ADAMTS20: variants seen among roughly 807,000 people sequenced by gnomAD.
The protein encoded by ADAMTS20 is A disintegrin and metalloproteinase with thrombospondin motifs 20.
A neutral mutation model predicts 260.1 loss-of-function variants in ADAMTS20; 225 were observed. The ratio of observed to expected loss-of-function variants is 0.87; its 90% confidence interval spans 0.78 to 0.97. The LOEUF (loss-of-function observed/expected upper bound fraction) is 0.97, where lower values mean the gene tolerates loss of function less well. Among genes scored for constraint, ADAMTS20 ranks in the 50% least tolerant of loss-of-function variants. The pLI, the probability that ADAMTS20 is intolerant of heterozygous loss-of-function variation, is 0.00. For missense variants in ADAMTS20, 2,400 were observed against 2,337.7 expected (o/e 1.03, Z -0.55); for synonymous variants, 802 against 769.5 (o/e 1.04, Z -0.70).
chr12:43,442,951 G>T (rs1454559676), intron 16 of ADAMTS20, among the ~76,000 whole-genome samples: 2 of 152,158 alleles, frequency 1.3e-5, no homozygotes, highest in African/African-American at 4.8e-5. Flanking sequence ...TTAAGCAGTT[G>T]TTCCCCTTAC....
At chr12:43,490,676 T>C (rs1409727799) in intron 6 of ADAMTS20, among the ~76,000 whole-genome samples, 1 of 152,104 alleles carries the variant, frequency 6.6e-6, no homozygotes, top group Non-Finnish European at 1.5e-5. Flanking sequence ...CCAAGTTCAA[T>C]GAAAAACTTT....
rs749060316 is a variant in ADAMTS20, at chr12:43,356,495, G to C, written c.5632C>G (p.Arg1878Gly). The C allele has an allele frequency of 1.2e-6, 2 of 1,604,438 alleles. No homozygotes were observed. Among genetic ancestry groups the C allele is most frequent in the African/African-American group, 2.7e-5 (2 of 74,862 alleles). Residue 1878 changes from arginine to glycine, a missense_variant, in exon 38 of 39, where the codon CGA (arginine) becomes GGA (glycine). Physicochemically the swap from Arg to Gly is moderately radical, Grantham distance 125. Transcript: ENST00000389420. ...TQGSYTSVSI[R>G]RSEDGTRFFG... ...CCCGCAGGACTTACCTCTGATCTTC[G>C]TATGCTGACAGAGGTATAACTCCCC...
At chr12:43,499,993 TTCCTTCA>T (rs1476288683) in intron 4 of ADAMTS20, among the ~76,000 whole-genome samples, 1 of 151,520 alleles carries the variant, frequency 6.6e-6, no homozygotes, top group East Asian at 2.0e-4. Flanking sequence ...ATCTAGTATT[TTCCTTCA>T]GTATCTCTCC....
rs568247831 is a variant in ADAMTS20 at position 43,360,999 on chromosome 12, T to C, written c.5539-4411A>G. On this transcript the variant is annotated intron_variant, in intron 37 of 38. Coordinates refer to ENST00000389420, the MANE Select transcript of ADAMTS20 (RefSeq NM_025003.5). ...CATTACTTTTGTTTTTTAAAAGTTTTTGTGGCTTTGCAAAAAGTGCAAAAC... is the reference window on the plus strand; with the variant it reads ...CATTACTTTTGTTTTTTAAAAGTTTCTGTGGCTTTGCAAAAAGTGCAAAAC... Among the ~76,000 whole-genome samples, 5 of 152,352 alleles carry C rather than the reference T, an allele frequency of 3.3e-5. No individual in the cohort carries two copies. In the South Asian group the frequency reaches 1.0e-3, roughly 32 times the overall value.
At position 43,424,406 on chromosome 12, in the gene ADAMTS20, A is replaced by G. The variant is rs182972374; in HGVS notation, c.4284+1108T>C. 9.2e-5 allele frequency among the ~76,000 whole-genome samples: 14 copies of G among 152,298 alleles called. No individual in the cohort carries two copies. In the East Asian group the frequency reaches 2.7e-3, roughly 29 times the overall value. On this transcript the variant is annotated intron_variant, in intron 28 of 38. Coordinates refer to ENST00000389420, the MANE Select transcript of ADAMTS20 (RefSeq NM_025003.5). ...AAAATATTCCCAAACCACTAACTCC[A>G]CAAAGTGGGAGAAATGCATAATCTA...
chr12:43,379,948 C>T (rs1255238093), intron 31 of ADAMTS20, among the ~76,000 whole-genome samples: 2 of 151,456 alleles, frequency 1.3e-5, no homozygotes, highest in East Asian at 3.9e-4. Context: ...CTAACTCATC[C>T]TATGAAGCCA....
intron 7 of ADAMTS20, among the ~76,000 whole-genome samples, chr12:43,487,270 A>T (rs1411588135): frequency 6.6e-6 from 1 of 152,186 alleles, no homozygotes; most frequent in African/African-American, 2.4e-5. Context: ...CCTTTGTAGC[A>T]ATTTGGATGG....
In ADAMTS20 at chr12:43,381,780, CAAAAAAA is replaced by C. The variant is rs765135656; in HGVS notation, c.4797+1771_4797+1777del. 3.1e-3 allele frequency among the ~76,000 whole-genome samples: 108 copies of C among 34,540 alleles called. 1 individual carries two copies. The highest frequency in any genetic ancestry group is 0.013 in the African/African-American group (106 of 8,124). The allele number at this position is 34,540 out of a possible 152,430, so 22.7% of individuals were successfully genotyped here. On this transcript the variant is annotated intron_variant, in intron 31 of 38. Coordinates refer to ENST00000389420, the MANE Select transcript of ADAMTS20 (RefSeq NM_025003.5). ...TGGGCAACAGAACAAGACTGCATCTCAAAAAAAAAAAAAAAAAAAAAAAAGATGGGCA... is the reference window on the plus strand; with the variant it reads ...TGGGCAACAGAACAAGACTGCATCTCAAAAAAAAAAAAAAAAAGATGGGCA...
At chr12:43,391,468 A>G (rs528228205) in intron 29 of ADAMTS20, among the ~76,000 whole-genome samples, 9 of 152,208 alleles carry the variant, frequency 5.9e-5, no homozygotes, top group Non-Finnish European at 1.3e-4. Context: ...AGGATGTCAC[A>G]TCTTCCAAAA....
At chr12:43,423,857 AAT>A (rs1023210542) in intron 28 of ADAMTS20, 5 of 722,480 alleles carry the variant, frequency 6.9e-6, no homozygotes, top group Non-Finnish European at 1.3e-5. Context: ...TCCATGGCAA[AAT>A]ATGTTTTTCA....
chr12:43,365,049 G>A (rs1389745885), intron 37 of ADAMTS20, among the ~76,000 whole-genome samples: 1 of 151,874 alleles, frequency 6.6e-6, no homozygotes, highest in African/African-American at 2.4e-5. Flanking sequence ...AACCCAATAA[G>A]ATAAACAGCT....
At chr12:43,460,713 G>T (rs920891469) in intron 11 of ADAMTS20, among the ~76,000 whole-genome samples, 1 of 151,840 alleles carries the variant, frequency 6.6e-6, no homozygotes, top group Non-Finnish European at 1.5e-5. Flanking sequence ...ATAAATTATA[G>T]TACATCTGTA....
At chr12:43,530,115 GCTTT>G (rs1943200198) in intron 3 of ADAMTS20, among the ~76,000 whole-genome samples, 1 of 151,930 alleles carries the variant, frequency 6.6e-6, no homozygotes, top group South Asian at 2.1e-4. Context: ...AAATTACGTA[GCTTT>G]CTATTTGCTT....
chr12:43,450,586 C>T (rs75060472), intron 14 of ADAMTS20, among the ~76,000 whole-genome samples: 2,281 of 152,184 alleles, frequency 0.015, 52 homozygotes, highest in African/African-American at 0.051. Context: ...TTGAACATCT[C>T]ATTAGCTCTT....
chr12:43,499,463 A>C (rs1942724259), intron 4 of ADAMTS20, among the ~76,000 whole-genome samples: 1 of 149,004 alleles, frequency 6.7e-6, no homozygotes, highest in South Asian at 2.1e-4. Flanking sequence ...ATGTCACAAT[A>C]TCTTCTAACA....
chr12:43,506,133 AC>A (rs1190885548), intron 3 of ADAMTS20, among the ~76,000 whole-genome samples: 2 of 120,832 alleles, frequency 1.7e-5, no homozygotes, highest in African/African-American at 6.2e-5. Context: ...AAACAAACAA[AC>A]AAAAACAACA....
At chr12:43,398,010 C>G (rs140872828) in intron 29 of ADAMTS20, among the ~76,000 whole-genome samples, 1 of 152,270 alleles carries the variant, frequency 6.6e-6, no homozygotes, top group East Asian at 1.9e-4. Context: ...AGGGGAAACT[C>G]CATTTCCTTC....
At chr12:43,529,272 AC>A (rs1943188251) in intron 3 of ADAMTS20, among the ~76,000 whole-genome samples, 1 of 152,190 alleles carries the variant, frequency 6.6e-6, no homozygotes, top group African/African-American at 2.4e-5. Flanking sequence ...AAGTAGATCC[AC>A]CGATTGATCC....
intron 3 of ADAMTS20, among the ~76,000 whole-genome samples, chr12:43,526,024 A>G (rs1156688909): frequency 1.7e-4 from 26 of 152,252 alleles, no homozygotes; most frequent in Admixed American, 1.7e-3. Context: ...TCTAGAACAA[A>G]GGAACGTAAG....
Sources: allele counts gnomAD v4.1 joint callset (sites outside exome capture counted in the v4.1 genomes callset), GRCh38; gene constraint gnomAD v4.1.1; transcripts MANE v1.5; gene names NCBI Gene and HGNC (gene_info 2026-07-23, HGNC 2026-07-21).